The following FAM171A2 variants were observed in gnomAD, a reference collection of about 807,000 sequenced individuals.
FAM171A2 encodes family with sequence similarity 171 member A2.
FAM171A2 carries 13 observed loss-of-function variants against 34.2 expected under a neutral mutation model. The observed-to-expected ratio is 0.38, with a 90% CI of 0.25 to 0.60. The LOEUF (loss-of-function observed/expected upper bound fraction) is 0.60. FAM171A2 is among the 20% of genes least tolerant of loss of function. The probability of loss-of-function intolerance (pLI) is 0.62; values close to 1 mark genes in which losing one functional copy is unlikely to be tolerated. For synonymous variants in FAM171A2, 475 were observed against 561.2 expected (o/e 0.85, Z 2.17); for missense variants, 950 against 1,180.7 (o/e 0.80, Z 2.86).
chr17:44,357,239 C>G (rs371015608), intron 3 of FAM171A2, among the ~76,000 whole-genome samples: 3 of 150,924 alleles, frequency 2.0e-5, no homozygotes, highest in Admixed American at 6.6e-5. Context: ...CCCAGCTGCT[C>G]GTGAGGCTGA....
Position 44,356,557 on chromosome 17 carries a change from C to A in FAM171A2, c.471G>T (p.Gln157His), listed in dbSNP as rs1479047507. The change falls in exon 4 of 8, where the codon CAG (glutamine) becomes CAT (histidine). Residue 157 changes from glutamine to histidine, a missense_variant. Physicochemically the swap from Gln to His is conservative, Grantham distance 24. Around this residue, in one of 3 missense-constraint regions of FAM171A2, gnomAD observed 752 missense variants for 924.5 expected, o/e 0.81. Transcript: ENST00000293443. Reference protein sequence around the residue: ...GARSQPLVQFQRRAARLPVSS... With the variant: ...GARSQPLVQFHRRAARLPVSS... ...TGACAGGCAGGCGGGCAGCCCGGCG[C>A]TGGAACTGCACCAAGGGCTGGGAGC... 12 of 1,547,906 alleles carry A rather than the reference C, an allele frequency of 7.8e-6. No individual in the cohort carries two copies. Among genetic ancestry groups the A allele is most frequent in the Non-Finnish European group, 9.6e-6 (11 of 1,146,220 alleles).
Position 44,356,285 on chromosome 17 carries a change from C to G in FAM171A2, c.666G>C (p.Gly222=), listed in dbSNP as rs887304503. 1.3e-6 allele frequency: 2 copies of G among 1,550,984 alleles called. No homozygotes were observed. Among genetic ancestry groups the G allele is most frequent in the African/African-American group, 1.4e-5 (1 of 73,034 alleles). Residue 222 remains glycine, a synonymous_variant, in exon 5 of 8, where the codon GGG becomes GGC. Transcript: ENST00000293443. ...AVSVHLLTGN[G]TEVPLSGPIH... ...TGGGGCCTGAGAGCGGCACCTCTGT[C>G]CCATTACCTGTCAGCAGGTGCACGC...
chr17:44,355,752 C>T lies in FAM171A2; in HGVS notation c.985G>A (p.Val329Met). 1 of 1,551,882 alleles carries T rather than the reference C, an allele frequency of 6.4e-7. No homozygotes were observed. Among genetic ancestry groups the T allele is most frequent in the South Asian group, 1.2e-5 (1 of 84,066 alleles). ...LTILAALALL[V>M]LILLCLLIYY... ...ATGAGCAGACACAGCAGGATAAGCA[C>T]CAGCAGGGCCAGGGCTGCCAGGATG... The change falls in exon 7 of 8, where the codon GTG becomes ATG. Residue 329 changes from valine (V) to methionine (M), a missense_variant. Val to Met is a conservative substitution (Grantham distance 21, BLOSUM62 1). This residue lies in a region of FAM171A2 where 752 missense variants were observed against 924.5 expected (regional missense o/e 0.81). Transcript: ENST00000293443. The surrounding 1 kb of genome is among the most constrained non-coding windows in gnomAD (Gnocchi z 4.1).
At chr17:44,357,729 T>TTGTGTGTGTGTGTG (rs2048430587) in intron 3 of FAM171A2, among the ~76,000 whole-genome samples, 1 of 70,748 alleles carries the variant, frequency 1.4e-5, no homozygotes, top group African/African-American at 8.8e-5. Flanking sequence ...ACAGTTTAGG[T>TTGTGTGTGTGTGTG]CGTGTGTGTG....
intron 3 of FAM171A2, among the ~76,000 whole-genome samples, chr17:44,357,798 A>G (rs560625177): frequency 7.9e-5 from 12 of 151,506 alleles, no homozygotes; most frequent in African/African-American, 2.7e-4. Flanking sequence ...TTCCAATACA[A>G]TATGGTCACA....
In FAM171A2 at chr17:44,357,121, G is replaced by A. The variant is rs377623683; in HGVS notation, c.440-533C>T. Among the ~76,000 whole-genome samples, 4 of 152,296 alleles carry A rather than the reference G, an allele frequency of 2.6e-5. No homozygotes were observed. The South Asian group carries it at 8.3e-4, about 32-fold the overall frequency. ...CCAGCACTTTGGGAAGCCAAGGTGG[G>A]TGGATCACCTGAGGTCAGGAGTTGG... On this transcript the variant is annotated intron_variant, in intron 3 of 7. Transcript: ENST00000293443.
chr17:44,363,623 G>T lies in FAM171A2; in HGVS notation c.92C>A (p.Ser31Ter). The T allele has an allele frequency of 8.1e-7, 1 of 1,229,636 alleles. No individual in the cohort carries two copies. The highest frequency in any genetic ancestry group is 4.0e-5 in the South Asian group (1 of 25,300). 76.2% of individuals were successfully genotyped at this position (1,229,636 alleles called of 1,614,324 possible). A position where few individuals can be genotyped will look rare whatever the true frequency, so the allele number is the denominator to read the frequency against. ...LGSASRAPGK[S>*]PPEPPSPQEI... ...CTGCGGGCTGGGGGGCTCCGGCGGC[G>T]ACTTGCCGGGAGCCCGGGAGGCGCT... Residue 31 changes from serine (S) to a stop codon, truncating the protein, a stop_gained, in exon 1 of 8, where the codon TCG (serine) becomes TAG (stop). Coordinates refer to ENST00000293443, the MANE Select transcript of FAM171A2 (RefSeq NM_198475.3). LOFTEE classifies it high-confidence loss of function.
At chr17:44,359,388 C>A (rs2048438627) in intron 3 of FAM171A2, 191 bp downstream of exon 3, 5 of 604,638 alleles carry the variant, frequency 8.3e-6, no homozygotes, top group Non-Finnish European at 1.5e-5. Flanking sequence ...TGTGTTTTTT[C>A]ACTTTGTGAT....
Position 44,354,172 on chromosome 17 carries a change from C to G in FAM171A2, c.2042G>C (p.Ser681Thr). 1 of 1,331,672 alleles carries G rather than the reference C, an allele frequency of 7.5e-7. No homozygotes were observed. Among genetic ancestry groups the G allele is most frequent in the Non-Finnish European group, 9.7e-7 (1 of 1,032,662 alleles). The allele number at this position is 1,331,672 out of a possible 1,614,324, so 82.5% of individuals were successfully genotyped here. The change falls in exon 8 of 8, where the codon AGC (serine) becomes ACC (threonine). Residue 681 changes from serine (S) to threonine (T), a missense_variant. Ser to Thr is a moderately conservative substitution (Grantham distance 58). Around this residue, in one of 3 missense-constraint regions of FAM171A2, gnomAD observed 7 missense variants for 33.4 expected, o/e 0.21. Coordinates refer to ENST00000293443, the MANE Select transcript of FAM171A2 (RefSeq NM_198475.3). This position sits in a 1 kb window ranked among gnomAD's most constrained non-coding sequence, Gnocchi z 5.8. ...GCCCGAGTCCAGGCTGGCGTCGGTGCTGCGTGCCCCGCCGCCCGCCTGCAG... is the reference window on the plus strand; with the variant it reads ...GCCCGAGTCCAGGCTGGCGTCGGTGGTGCGTGCCCCGCCGCCCGCCTGCAG... ...IDLQAGGGAR[S>T]TDASLDSGVD...
chr17:44,357,917 A>T (rs1422420181), intron 3 of FAM171A2, among the ~76,000 whole-genome samples: 1 of 152,182 alleles, frequency 6.6e-6, no homozygotes, highest in Non-Finnish European at 1.5e-5. Context: ...TCTATTATCA[A>T]CCTCATTTTA....
chr17:44,353,817 C>A lies in FAM171A2; in HGVS notation c.2397G>T (p.Ala799=). Residue 799 remains alanine (A), a synonymous_variant, in exon 8 of 8, where the codon GCG becomes GCT. Transcript: ENST00000293443. ...SLTSPEDELG[A]EVGDEAGDKK... ...TGTCTCCCGCCTCGTCGCCCACCTC[C>A]GCCCCCAGCTCGTCCTCCGGGCTGG... 1.4e-6 allele frequency: 2 copies of A among 1,426,540 alleles called. No homozygotes were observed. The highest frequency in any genetic ancestry group is 1.8e-6 in the Non-Finnish European group (2 of 1,091,094). 88.4% of individuals were successfully genotyped at this position (1,426,540 alleles called of 1,614,324 possible).
Position 44,359,665 on chromosome 17 carries a change from G to T in FAM171A2, c.353C>A (p.Ala118Glu). Reference sequence around the variant, plus strand: ...AGGGAGCAGGTAGAGGCTGACAGACGCATACACTGCGGGAGGGATGGCCGG... The same window carrying T: ...AGGGAGCAGGTAGAGGCTGACAGACTCATACACTGCGGGAGGGATGGCCGG... ...PWRVDKLPLY[A>E]SVSLYLLPER... is the part of the protein sequence containing the mutation. Residue 118 changes from alanine to glutamate, a missense_variant, in exon 3 of 8, where the codon GCG (alanine) becomes GAG (glutamate). Physicochemically the swap from Ala to Glu is moderately radical, Grantham distance 107 (BLOSUM62 -1). Transcript: ENST00000293443. 6.4e-7 allele frequency: 1 copy of T among 1,550,462 alleles called. No homozygotes were observed. The highest frequency in any genetic ancestry group is 1.2e-5 in the South Asian group (1 of 84,052).
chr17:44,357,430 C>A (rs144367830), intron 3 of FAM171A2, among the ~76,000 whole-genome samples: 1 of 151,666 alleles, frequency 6.6e-6, no homozygotes, highest in Non-Finnish European at 1.5e-5. Context: ...AGGTGGATCA[C>A]GAGGTCAGGA....
chr17:44,355,554 C>T lies in FAM171A2; in HGVS notation c.1022+161G>A, dbSNP rs914759700. Among the ~76,000 whole-genome samples, 2 of 152,336 alleles carry T rather than the reference C, an allele frequency of 1.3e-5. No homozygotes were observed. Among genetic ancestry groups the T allele is most frequent in the South Asian group, 2.1e-4 (1 of 4,826 alleles). The stretch of plus-strand genomic sequence containing the variant: ...AGCCCTGCCTCCCCTCCCACCTCCC[C>T]GCTGTCTTCAACCACCAGCACCAGC... On this transcript the variant is annotated intron_variant, in intron 7 of 7. Coordinates refer to ENST00000293443, the MANE Select transcript of FAM171A2 (RefSeq NM_198475.3). This position sits in a 1 kb window ranked among gnomAD's most constrained non-coding sequence, Gnocchi z 4.1.
intron 3 of FAM171A2, 49 bp from the exon 4 acceptor site, chr17:44,356,637 C>A: frequency 6.7e-7 from 1 of 1,492,494 alleles, no homozygotes; most frequent in Non-Finnish European, 8.9e-7. Context: ...CAGGGATCCC[C>A]AGGGACCAGA....
At chr17:44,362,714 GCGCCC>G (rs2048452806) in intron 1 of FAM171A2, among the ~76,000 whole-genome samples, 1 of 152,094 alleles carries the variant, frequency 6.6e-6, no homozygotes, top group Admixed American at 6.5e-5. Flanking sequence ...ACACCCACCT[GCGCCC>G]GGTGAGTCGC....
rs190697478 is a variant in FAM171A2, at chr17:44,355,552, C to T, written c.1022+163G>A. ...TAAGCCCTGCCTCCCCTCCCACCTC[C>T]CCGCTGTCTTCAACCACCAGCACCA... On this transcript the variant is annotated intron_variant, in intron 7 of 7. Transcript: ENST00000293443. This position sits in a 1 kb window ranked among gnomAD's most constrained non-coding sequence, Gnocchi z 4.1. Among the ~76,000 whole-genome samples, 7 of 152,330 alleles carry T rather than the reference C, an allele frequency of 4.6e-5. No homozygotes were observed. Among genetic ancestry groups the T allele is most frequent in the Non-Finnish European group, 8.8e-5 (6 of 68,022 alleles).
At chr17:44,363,287 T>C (rs1020817168) in intron 1 of FAM171A2, among the ~76,000 whole-genome samples, 3 of 151,970 alleles carry the variant, frequency 2.0e-5, no homozygotes, top group Non-Finnish European at 2.9e-5. Context: ...CGGTAGACAA[T>C]GGCTCAGGCA....
chr17:44,355,999 T>TG lies in FAM171A2; in HGVS notation c.853dup (p.Gln285ProfsTer77). On this transcript the variant is annotated frameshift_variant, in exon 6 of 8. Transcript: ENST00000293443. LOFTEE classifies it high-confidence loss of function. This position sits in a 1 kb window ranked among gnomAD's most constrained non-coding sequence, Gnocchi z 4.1. The stretch of plus-strand genomic sequence containing the variant: ...CATGGCGGCCACCCAGTACCCCAGC[T>TG]GGGGGGAGACGAAGGTCCAGTAGAG... The TG allele has an allele frequency of 6.5e-7, 1 of 1,547,520 alleles. No homozygotes were observed.
Sources: gnomAD v4.1 joint callset for allele counts (sites outside exome capture counted in the v4.1 genomes callset) on GRCh38, gnomAD v4.1.1 for gene constraint, gnomAD v4.1.1 regional missense constraint, Gnocchi (gnomAD v3.1) non-coding constraint, MANE v1.5 for transcripts, NCBI Gene and HGNC (gene_info 2026-07-23, HGNC 2026-07-21) for gene names.